The following XDH variants were observed in gnomAD, a reference collection of about 807,000 sequenced individuals.
XDH encodes the protein xanthine dehydrogenase, also known as xanthine dehydrogenase/oxidase.
Under a neutral mutation model 156.1 loss-of-function variants are expected in XDH, and 138 were observed. That is an observed-to-expected ratio of 0.88 (90% CI 0.77 to 1.02). The LOEUF (loss-of-function observed/expected upper bound fraction) is 1.02, where lower values mean the gene tolerates loss of function less well. Ranked by LOEUF, XDH falls within the 50% of genes least tolerant of loss-of-function variation. XDH has a pLI of 0.00. For missense variants in XDH, 1,849 were observed against 1,684.9 expected (o/e 1.10, Z -1.71); for synonymous variants, 669 against 625.7 (o/e 1.07, Z -1.03).
At position 31,338,120 on chromosome 2, in the gene XDH, G is replaced by A. The variant is rs187713012; in HGVS notation, c.3775-303C>T. Among the ~76,000 whole-genome samples, 24 of 152,274 alleles carry A rather than the reference G, an allele frequency of 1.6e-4. 1 individual carries two copies. The highest frequency in any genetic ancestry group is 4.6e-4 in the African/African-American group (19 of 41,550). The stretch of plus-strand genomic sequence containing the variant: ...CCATTTAAAGTTATACTCGGTAATT[G>A]TATTTTACAGACCACAAAATCTGAC... On this transcript the variant is annotated intron_variant, in intron 34 of 35. Transcript: ENST00000379416.
intron 11 of XDH, 146 bp downstream of exon 11, chr2:31,382,855 G>T: frequency 8.4e-7 from 1 of 1,195,472 alleles, no homozygotes; most frequent in Non-Finnish European, 1.2e-6. Context: ...CCAGGAATCT[G>T]CACTTTAACA....
In XDH at chr2:31,343,220, T is replaced by C. The variant is rs369594399; in HGVS notation, c.3405-923A>G. ...AATGTAATAGGAATTTATGAGAAAA[T>C]GTGTTTATGTATGTGTAGGTCAGAT... On this transcript the variant is annotated intron_variant, in intron 31 of 35. Transcript: ENST00000379416. Among the ~76,000 whole-genome samples the C allele has an allele frequency of 1.5e-4, 23 of 148,720 alleles. No homozygotes were observed. The South Asian group carries it at 4.9e-3, about 32-fold the overall frequency.
Position 31,366,752 on chromosome 2 carries a change from G to C in XDH, c.2322+118C>G, listed in dbSNP as rs1006512312. On this transcript the variant is annotated intron_variant, in intron 21 of 35. Coordinates refer to ENST00000379416, the MANE Select transcript of XDH (RefSeq NM_000379.4). ...GTCTGGCTCCAGGACTATGACACTC[G>C]AGTACCCTCTGGACCAGCCCACATC... The C allele has an allele frequency of 2.1e-5, 32 of 1,522,754 alleles. 1 individual carries two copies. The South Asian group carries it at 3.2e-4, about 15-fold the overall frequency. The allele number at this position is 1,522,754 out of a possible 1,614,324, so 94.3% of individuals were successfully genotyped here. A position where few individuals can be genotyped will look rare whatever the true frequency, so the allele number is the denominator to read the frequency against.
intron 16 of XDH, among the ~76,000 whole-genome samples, chr2:31,373,230 C>T (rs35519594): frequency 0.098 from 14,978 of 152,174 alleles, 1,086 homozygotes; most frequent in African/African-American, 0.2. Context: ...AGAGTGTGGA[C>T]ACAAATTCAG....
At chr2:31,338,057 T>C (rs1685015344) in intron 34 of XDH, among the ~76,000 whole-genome samples, 1 of 152,234 alleles carries the variant, frequency 6.6e-6, no homozygotes, top group South Asian at 2.1e-4. Context: ...TGAACACTCA[T>C]GTAATTTTCT....
At chr2:31,357,404 C>T (rs1256829738) in intron 24 of XDH, among the ~76,000 whole-genome samples, 2 of 152,066 alleles carry the variant, frequency 1.3e-5, no homozygotes, top group Non-Finnish European at 2.9e-5. Context: ...GAAACACGGG[C>T]TATCACTACA....
chr2:31,356,748 A>G (rs1474395936), intron 24 of XDH, among the ~76,000 whole-genome samples: 2 of 152,216 alleles, frequency 1.3e-5, no homozygotes, highest in African/African-American at 4.8e-5. Context: ...ACAGAAAACT[A>G]ATACACAGCC....
chr2:31,391,876 A>C (rs1175619713), intron 6 of XDH, among the ~76,000 whole-genome samples: 1 of 152,234 alleles, frequency 6.6e-6, no homozygotes, highest in Non-Finnish European at 1.5e-5. Context: ...GAGATTGTGG[A>C]GAATTGACAT....
At chr2:31,406,383 C>T (rs1243519465) in intron 1 of XDH, among the ~76,000 whole-genome samples, 1 of 152,164 alleles carries the variant, frequency 6.6e-6, no homozygotes, top group Non-Finnish European at 1.5e-5. Flanking sequence ...CATGCTTGTA[C>T]AGCCTGCAGA....
intron 31 of XDH, among the ~76,000 whole-genome samples, chr2:31,343,454 T>C (rs986598443): frequency 1.7e-4 from 24 of 142,530 alleles, no homozygotes; most frequent in African/African-American, 5.6e-4. Context: ...TTTATACATA[T>C]ATGCCTTATA....
chr2:31,385,467 C>A (rs796949876), intron 9 of XDH, among the ~76,000 whole-genome samples: 8 of 152,270 alleles, frequency 5.3e-5, no homozygotes, highest in African/African-American at 1.9e-4. Context: ...GAGGAGCCAA[C>A]CAGAACTCAG....
rs185044828 is a variant in XDH at position 31,396,102 on chromosome 2, A to G, written c.495+1566T>C. Among the ~76,000 whole-genome samples the G allele has an allele frequency of 5.9e-5, 9 of 152,324 alleles. No homozygotes were observed. In the East Asian group the frequency reaches 1.5e-3, roughly 26 times the overall value. ...AAAAGGCTCTGAAGAAACATCTCGGAGACCTCCGATGAGTAACATGCATTA... is the reference window on the plus strand; with the variant it reads ...AAAAGGCTCTGAAGAAACATCTCGGGGACCTCCGATGAGTAACATGCATTA... On this transcript the variant is annotated intron_variant, in intron 6 of 35. Coordinates refer to ENST00000379416, the MANE Select transcript of XDH (RefSeq NM_000379.4).
intron 30 of XDH, among the ~76,000 whole-genome samples, chr2:31,345,563 T>G (rs373382513): frequency 1.3e-5 from 2 of 152,324 alleles, no homozygotes; most frequent in South Asian, 2.1e-4. Context: ...ATCTTACTTA[T>G]ACTCACAACC....
rs1558696907 is a variant in XDH, at chr2:31,378,182, GC to G, written c.1243-946del. 4.2e-3 allele frequency among the ~76,000 whole-genome samples: 331 copies of G among 78,398 alleles called. 14 individuals carry two copies. The highest frequency in any genetic ancestry group is 0.01 in the African/African-American group (170 of 16,542). 51.4% of individuals were successfully genotyped at this position (78,398 alleles called of 152,430 possible). A position where few individuals can be genotyped will look rare whatever the true frequency, so the allele number is the denominator to read the frequency against. ...AGGAAGGAAGGAAGGAAGGAAGCAA[GC>G]AAGCAAGCAAAGCAAGAAAGCAAGC... is the stretch of plus-strand genomic sequence containing the variant. On this transcript the variant is annotated intron_variant, in intron 13 of 35. Coordinates refer to ENST00000379416, the MANE Select transcript of XDH (RefSeq NM_000379.4).
At chr2:31,384,979 T>C (rs45500202) in intron 9 of XDH, among the ~76,000 whole-genome samples, 35 of 152,292 alleles carry the variant, frequency 2.3e-4, no homozygotes, top group Admixed American at 1.4e-3. Flanking sequence ...AGAAATCATT[T>C]CTAATTGTGG....
chr2:31,346,868 C>A (rs776933661), intron 29 of XDH, 25 bp from the exon 30 acceptor site: 341 of 1,613,644 alleles, frequency 2.1e-4, no homozygotes, highest in Middle Eastern at 6.9e-4. Flanking sequence ...CCCCACACCC[C>A]AGACACATCA....
At chr2:31,409,269 T>G (rs1231890747) in intron 1 of XDH, among the ~76,000 whole-genome samples, 1 of 152,150 alleles carries the variant, frequency 6.6e-6, no homozygotes, top group Admixed American at 6.5e-5. Flanking sequence ...AACTGTACAT[T>G]TAAAAATAAC....
At chr2:31,344,402 A>G (rs1441582312) in intron 31 of XDH, among the ~76,000 whole-genome samples, 1 of 152,210 alleles carries the variant, frequency 6.6e-6, no homozygotes, top group African/African-American at 2.4e-5. Flanking sequence ...GAACAGGTTC[A>G]GCAGGACCAC....
Position 31,365,428 on chromosome 2 carries a change from CGCCCCAGCACA to C in XDH, c.2544+18_2544+28del. On this transcript the variant is annotated intron_variant, in intron 23 of 35. Coordinates refer to ENST00000379416, the MANE Select transcript of XDH (RefSeq NM_000379.4). The stretch of plus-strand genomic sequence containing the variant: ...GCTTTCCTCACAAAATGGCTCATCC[CGCCCCAGCACA>C]GCCCCAACATCTAGAACCTTGTATC... 6.2e-7 allele frequency: 1 copy of C among 1,613,154 alleles called. No individual in the cohort carries two copies. The highest frequency in any genetic ancestry group is 1.3e-5 in the African/African-American group (1 of 75,034).
Sources: gnomAD v4.1 joint callset for allele counts (sites outside exome capture counted in the v4.1 genomes callset) on GRCh38, gnomAD v4.1.1 for gene constraint, MANE v1.5 for transcripts, NCBI Gene and HGNC (gene_info 2026-07-23, HGNC 2026-07-21) for gene names.